The following ATP8A2 variants were observed in gnomAD, a reference collection of about 807,000 sequenced individuals.
The protein encoded by ATP8A2 is ATPase phospholipid transporting 8A2, also known as phospholipid-transporting ATPase IB.
ATP8A2 carries 100 observed loss-of-function variants against 165.6 expected under a neutral mutation model. The ratio of observed to expected loss-of-function variants is 0.60; its 90% CI spans 0.51 to 0.71. ATP8A2 has a LOEUF of 0.71. Among genes scored for constraint, ATP8A2 ranks in the 30% least tolerant of loss-of-function variants. ATP8A2 has a pLI of 0.00. For synonymous variants in ATP8A2, 543 were observed against 548.8 expected (o/e 0.99, Z 0.15); for missense variants, 1,227 against 1,479.5 (o/e 0.83, Z 2.80).
chr13:25,429,788 G>T (rs1276482627), intron 1 of ATP8A2, among the ~76,000 whole-genome samples: 2 of 152,192 alleles, frequency 1.3e-5, no homozygotes, highest in African/African-American at 4.8e-5. Flanking sequence ...TGGGCCAGGA[G>T]GAGGCCACAG....
intron 2 of ATP8A2, among the ~76,000 whole-genome samples, chr13:25,472,511 T>A (rs1202743624): frequency 6.6e-6 from 1 of 152,230 alleles, no homozygotes; most frequent in Non-Finnish European, 1.5e-5. Context: ...AGTTTTATGA[T>A]AATATTGATT....
intron 2 of ATP8A2, among the ~76,000 whole-genome samples, chr13:25,529,429 G>T (rs531958185): frequency 3.3e-5 from 5 of 152,174 alleles, no homozygotes; most frequent in Non-Finnish European, 5.9e-5. Context: ...ACACTGTACT[G>T]TAGGCTTGCA....
At chr13:25,492,718 C>G (rs1301303925) in intron 2 of ATP8A2, among the ~76,000 whole-genome samples, 1 of 152,194 alleles carries the variant, frequency 6.6e-6, no homozygotes, top group East Asian at 1.9e-4. Flanking sequence ...TTCTGAAATC[C>G]TGTGGTTGAA....
At chr13:25,823,262 AT>A in intron 27 of ATP8A2, among the ~76,000 whole-genome samples, 1 of 151,882 alleles carries the variant, frequency 6.6e-6, no homozygotes. Flanking sequence ...TTTGGATTTT[AT>A]TTTTTTATCC....
chr13:25,512,532 G>T (rs1382302912), intron 2 of ATP8A2, among the ~76,000 whole-genome samples: 1 of 149,676 alleles, frequency 6.7e-6, no homozygotes, highest in Non-Finnish European at 1.5e-5. Context: ...CCTCCCTCCC[G>T]GACGGGGCGG....
chr13:25,917,941 C>T (rs1954317847), intron 33 of ATP8A2, among the ~76,000 whole-genome samples: 1 of 152,074 alleles, frequency 6.6e-6, no homozygotes, highest in Non-Finnish European at 1.5e-5. Context: ...TCTTAAATAT[C>T]AGAGAATACA....
chr13:25,757,829 A>AT (rs1393396513), intron 25 of ATP8A2, among the ~76,000 whole-genome samples: 2 of 151,934 alleles, frequency 1.3e-5, no homozygotes, highest in Non-Finnish European at 2.9e-5. Flanking sequence ...TACCCTCCCA[A>AT]TCCAAGCGGT....
At chr13:25,611,268 T>A (rs2040679587) in intron 24 of ATP8A2, among the ~76,000 whole-genome samples, 1 of 152,140 alleles carries the variant, frequency 6.6e-6, no homozygotes, top group Non-Finnish European at 1.5e-5. Context: ...TTTGGTATAA[T>A]ATTTTTGACT....
intron 1 of ATP8A2, among the ~76,000 whole-genome samples, chr13:25,405,260 G>C (rs2033765028): frequency 6.6e-6 from 1 of 152,158 alleles, no homozygotes; most frequent in African/African-American, 2.4e-5. Context: ...CAAAAGCTCA[G>C]CTTCAAGGGG....
chr13:25,512,006 A>G (rs568733770), intron 2 of ATP8A2, among the ~76,000 whole-genome samples: 37 of 151,884 alleles, frequency 2.4e-4, no homozygotes, highest in Admixed American at 4.6e-4. Context: ...AAAGGTCTCT[A>G]GTTTTCCTAG....
intron 27 of ATP8A2, among the ~76,000 whole-genome samples, chr13:25,810,183 G>A (rs1437370899): frequency 6.6e-6 from 1 of 152,144 alleles, no homozygotes; most frequent in Non-Finnish European, 1.5e-5. Flanking sequence ...CTCTGAACGA[G>A]GCTTCTTACT....
At chr13:25,664,530 C>G (rs1342078792) in intron 24 of ATP8A2, among the ~76,000 whole-genome samples, 3 of 152,094 alleles carry the variant, frequency 2.0e-5, no homozygotes, top group Non-Finnish European at 4.4e-5. Context: ...CAAGCTGTAC[C>G]AGTAAGAACG....
intron 27 of ATP8A2, among the ~76,000 whole-genome samples, chr13:25,780,066 G>T (rs1218956891): frequency 6.6e-6 from 1 of 152,124 alleles, no homozygotes; most frequent in African/African-American, 2.4e-5. Flanking sequence ...GAACCTCTGG[G>T]AAAAGGTTAT....
intron 33 of ATP8A2, among the ~76,000 whole-genome samples, chr13:25,910,980 G>A (rs139353360): frequency 9.3e-5 from 14 of 149,756 alleles, no homozygotes; most frequent in Middle Eastern, 3.5e-3. Flanking sequence ...GTTATTTGGC[G>A]CAGGAACACA....
chr13:25,640,093 C>T (rs1236105104), intron 24 of ATP8A2, among the ~76,000 whole-genome samples: 2 of 152,196 alleles, frequency 1.3e-5, no homozygotes, highest in Non-Finnish European at 2.9e-5. Flanking sequence ...CTCTGAGACA[C>T]ATTTAAAGCA....
In ATP8A2 at chr13:25,998,761, G is replaced by T. The variant is rs573209833; in HGVS notation, c.3378-13770G>T. Among the ~76,000 whole-genome samples the T allele has an allele frequency of 3.3e-5, 5 of 152,198 alleles. No homozygotes were observed. In the South Asian group the frequency reaches 8.3e-4, roughly 25 times the overall value. On this transcript the variant is annotated intron_variant, in intron 35 of 36. Transcript: ENST00000381655. Reference sequence around the variant, plus strand: ...ATTTTTGGAACGGAATTTGTATTAGGGTTAGTTAACCTTGAACCCTATGGT... The same window carrying T: ...ATTTTTGGAACGGAATTTGTATTAGTGTTAGTTAACCTTGAACCCTATGGT...
At chr13:25,539,706 A>G (rs2038409323) in intron 7 of ATP8A2, among the ~76,000 whole-genome samples, 1 of 152,196 alleles carries the variant, frequency 6.6e-6, no homozygotes, top group South Asian at 2.1e-4. Context: ...GTGGTTAATC[A>G]CTAACTGTGT....
At chr13:26,007,041 C>T (rs1434668329) in intron 35 of ATP8A2, among the ~76,000 whole-genome samples, 1 of 149,592 alleles carries the variant, frequency 6.7e-6, no homozygotes, top group Non-Finnish European at 1.5e-5. Context: ...CTGTGCCAAT[C>T]TGTACTCCTC....
chr13:25,862,556 A>C, intron 33 of ATP8A2, 148 bp downstream of exon 33: 1 of 625,862 alleles, frequency 1.6e-6, no homozygotes, highest in South Asian at 2.0e-5. Flanking sequence ...ATCTATCAGG[A>C]GATAAACCAA....
Sources: allele counts gnomAD v4.1 joint callset (sites outside exome capture counted in the v4.1 genomes callset), GRCh38; gene constraint gnomAD v4.1.1; transcripts MANE v1.5; gene names NCBI Gene and HGNC (gene_info 2026-07-23, HGNC 2026-07-21).